Variants in FAM184B observed in about 807,000 individuals in gnomAD.
FAM184B encodes the protein protein FAM184B.
In FAM184B, 111 loss-of-function variants were observed where a neutral mutation model predicts 135.9. The ratio of observed to expected loss-of-function variants is 0.82; its 90% CI spans 0.70 to 0.96. The LOEUF is 0.96. Among genes scored for constraint, FAM184B ranks in the 40% least tolerant of loss-of-function variants. The probability of loss-of-function intolerance (pLI) is 0.00; values close to 1 mark genes in which losing one functional copy is unlikely to be tolerated. For missense variants in FAM184B, 1,375 were observed against 1,323.9 expected (o/e 1.04, Z -0.60); for synonymous variants, 552 against 524.8 (o/e 1.05, Z -0.71).
chr4:17,727,057 A>G (rs1365205565), intron 1 of FAM184B, among the ~76,000 whole-genome samples: 1 of 152,200 alleles, frequency 6.6e-6, no homozygotes, highest in Non-Finnish European at 1.5e-5. Flanking sequence ...ACCTGGTGCC[A>G]GGACACACAT....
At chr4:17,666,788 A>G (rs1716059336) in intron 7 of FAM184B, among the ~76,000 whole-genome samples, 1 of 151,852 alleles carries the variant, frequency 6.6e-6, no homozygotes, top group Non-Finnish European at 1.5e-5. Flanking sequence ...AAGCTCCATG[A>G]GGGCAGGGGC....
chr4:17,706,826 C>T (rs997932224), intron 3 of FAM184B, among the ~76,000 whole-genome samples: 1 of 151,970 alleles, frequency 6.6e-6, no homozygotes, highest in East Asian at 1.9e-4. Context: ...GTTGCTATTG[C>T]CCAGGCTGGA....
At chr4:17,750,026 G>A (rs1291139489) in intron 1 of FAM184B, among the ~76,000 whole-genome samples, 1 of 151,990 alleles carries the variant, frequency 6.6e-6, no homozygotes, top group African/African-American at 2.4e-5. Flanking sequence ...TTTCAATGTT[G>A]TCTTATAAAT....
At chr4:17,672,956 A>G (rs939593777) in intron 7 of FAM184B, among the ~76,000 whole-genome samples, 1 of 152,048 alleles carries the variant, frequency 6.6e-6, no homozygotes, top group African/African-American at 2.4e-5. Flanking sequence ...TAGGGTTGGT[A>G]CCAATAAGGA....
chr4:17,706,396 G>C (rs114200605), intron 3 of FAM184B, among the ~76,000 whole-genome samples: 1 of 152,024 alleles, frequency 6.6e-6, no homozygotes, highest in Non-Finnish European at 1.5e-5. Flanking sequence ...TCCCATGCAC[G>C]TTATTCGTCT....
At chr4:17,757,330 A>G (rs1402453562) in intron 1 of FAM184B, among the ~76,000 whole-genome samples, 1 of 152,220 alleles carries the variant, frequency 6.6e-6, no homozygotes, top group East Asian at 1.9e-4. Flanking sequence ...AAGACATATC[A>G]ACGTATTGCA....
chr4:17,669,593 C>T (rs1049109260), intron 7 of FAM184B, among the ~76,000 whole-genome samples: 2 of 152,142 alleles, frequency 1.3e-5, no homozygotes, highest in African/African-American at 4.8e-5. Context: ...CTAGGACAAA[C>T]GTGAACTGGC....
chr4:17,632,433 C>T lies in FAM184B; in HGVS notation c.*99G>A, dbSNP rs1377185363. 6.1e-6 allele frequency: 6 copies of T among 987,760 alleles called. No homozygotes were observed. The highest frequency in any genetic ancestry group is 2.3e-4 in the Middle Eastern group (1 of 4,310). 61.2% of individuals were successfully genotyped at this position (987,760 alleles called of 1,614,324 possible). A position where few individuals can be genotyped will look rare whatever the true frequency, so the allele number is the denominator to read the frequency against. On this transcript the variant is annotated 3_prime_UTR_variant, in exon 18 of 18. Transcript: ENST00000265018. ...TTAGCTATCATATATAAATCATAAG[C>T]ATATTATTTGGTTGGTTGGTGTTAG...
chr4:17,671,222 C>T (rs1024061671), intron 7 of FAM184B, among the ~76,000 whole-genome samples: 19 of 152,040 alleles, frequency 1.2e-4, no homozygotes, highest in African/African-American at 2.2e-4. Flanking sequence ...TGAAGAGACC[C>T]CCTACACCAG....
At chr4:17,651,537 C>CAAAA (rs751455835) in intron 11 of FAM184B, among the ~76,000 whole-genome samples, 432 of 43,080 alleles carry the variant, frequency 0.01, 70 homozygotes, top group African/African-American at 0.036. Flanking sequence ...GACTCTGTCT[C>CAAAA]AAAAAAAAAA....
At chr4:17,650,609 G>T (rs191538865) in intron 11 of FAM184B, among the ~76,000 whole-genome samples, 1 of 152,306 alleles carries the variant, frequency 6.6e-6, no homozygotes, top group East Asian at 1.9e-4. Flanking sequence ...TGTCCAGCCT[G>T]ACCTGTACAT....
chr4:17,657,903 C>G (rs10015354), intron 10 of FAM184B, among the ~76,000 whole-genome samples: 89,754 of 151,840 alleles, frequency 0.59, 27,359 homozygotes, highest in East Asian at 0.92. Flanking sequence ...GTGATCCACC[C>G]ACCTCCACCT....
Position 17,709,492 on chromosome 4 carries a change from T to C in FAM184B, c.294A>G (p.Leu98=), listed in dbSNP as rs770489598. 4 of 1,549,922 alleles carry C rather than the reference T, an allele frequency of 2.6e-6. No individual in the cohort carries two copies. In the African/African-American group the frequency reaches 5.5e-5, roughly 21 times the overall value. The change falls in exon 2 of 18, where the codon CTA becomes CTG. Residue 98 remains leucine, a synonymous_variant. Coordinates refer to ENST00000265018, the MANE Select transcript of FAM184B (RefSeq NM_015688.2). ...EQGCAEEEAL[L]QRIQALESAL... ...CGCTCTCCAGGGCCTGGATGCGCTG[T>C]AGAAGGGCTTCCTCCTCTGCGCAGC... is the stretch of plus-strand genomic sequence containing the variant.
At chr4:17,674,763 A>C (rs1121091) in intron 7 of FAM184B, among the ~76,000 whole-genome samples, 80,679 of 152,054 alleles carry the variant, frequency 0.53, 23,516 homozygotes, top group East Asian at 0.82. Context: ...AAGTCTCATC[A>C]GGAGTAAATT....
intron 1 of FAM184B, among the ~76,000 whole-genome samples, chr4:17,742,168 A>ATATATATATATATTTTTT (rs1459958150): frequency 9.1e-6 from 1 of 109,308 alleles, no homozygotes; most frequent in African/African-American, 4.8e-5. Flanking sequence ...ATATATATAT[A>ATATATATATATATTTTTT]TTTTTTTTTT....
chr4:17,745,950 C>A (rs1288660067), intron 1 of FAM184B, among the ~76,000 whole-genome samples: 2 of 152,078 alleles, frequency 1.3e-5, no homozygotes, highest in African/African-American at 2.4e-5. Flanking sequence ...TAATTTTTGT[C>A]ACTACAAAGA....
chr4:17,630,246 G>C lies in FAM184B; in HGVS notation c.*2286C>G, dbSNP rs1178785379. The C allele has an allele frequency of 6.6e-6, 1 of 152,044 alleles. No individual in the cohort carries two copies. The highest frequency in any genetic ancestry group is 6.6e-5 in the Admixed American group (1 of 15,248). 9.4% of individuals were successfully genotyped at this position (152,044 alleles called of 1,614,324 possible). A position where few individuals can be genotyped will look rare whatever the true frequency, so the allele number is the denominator to read the frequency against. On this transcript the variant is annotated 3_prime_UTR_variant, in exon 18 of 18. Transcript: ENST00000265018. The stretch of plus-strand genomic sequence containing the variant: ...CACAAAATAAAGAGCAGTCCTACAG[G>C]GTTCACTGCTATGTCCTGAATGTTG...
rs139513781 is a variant in FAM184B, at chr4:17,752,866, A to G, written c.141+28293T>C. Among the ~76,000 whole-genome samples the G allele has an allele frequency of 3.9e-3, 593 of 152,364 alleles. 15 individuals carry two copies. Among genetic ancestry groups the G allele is most frequent in the Admixed American group, 0.029 (448 of 15,302 alleles). On this transcript the variant is annotated intron_variant, in intron 1 of 17. Transcript: ENST00000265018. Reference sequence around the variant, plus strand: ...TGTTAAAATTAGCAGAACACCAGAGATTAAAGCAACAGATGTCTTTTCCAA... The same window carrying G: ...TGTTAAAATTAGCAGAACACCAGAGGTTAAAGCAACAGATGTCTTTTCCAA...
At chr4:17,704,774 A>T (rs920601656) in intron 5 of FAM184B, among the ~76,000 whole-genome samples, 5 of 152,196 alleles carry the variant, frequency 3.3e-5, no homozygotes, top group African/African-American at 1.2e-4. Context: ...GGTGTCCCCC[A>T]TCTCCTCCAA....
Sources: allele counts gnomAD v4.1 joint callset (sites outside exome capture counted in the v4.1 genomes callset), GRCh38; gene constraint gnomAD v4.1.1; transcripts MANE v1.5; gene names NCBI Gene and HGNC (gene_info 2026-07-23, HGNC 2026-07-21).